Variants in HNRNPDL observed in about 807,000 individuals in gnomAD.
HNRNPDL encodes heterogeneous nuclear ribonucleoprotein D like.
In HNRNPDL, 18 loss-of-function variants were observed where a neutral mutation model predicts 48.0. That is an observed-to-expected ratio of 0.38 (90% CI 0.26 to 0.56). The LOEUF (loss-of-function observed/expected upper bound fraction) is 0.56. Among genes scored for constraint, HNRNPDL ranks in the 20% least tolerant of loss-of-function variants. The pLI is 0.77. For missense variants in HNRNPDL, 553 were observed against 540.7 expected, an observed-to-expected ratio of 1.02 and a Z score of -0.23; for synonymous variants, 306 against 207.3, an observed-to-expected ratio of 1.48 and a Z score of -4.09.
chr4:82,426,357 C>T (rs527706371), intron 6 of HNRNPDL, 106 bp downstream of exon 6: 33 of 1,065,436 alleles, frequency 3.1e-5, no homozygotes, highest in African/African-American at 4.7e-5. Flanking sequence ...CACTTAACTC[C>T]GAACACTTTA....
chr4:82,430,178 C>CG lies in HNRNPDL; in HGVS notation c.-489dup, dbSNP rs1227871316. 1.3e-5 allele frequency: 2 copies of CG among 152,230 alleles called. No individual in the cohort carries two copies. The highest frequency in any genetic ancestry group is 4.8e-5 in the African/African-American group (2 of 41,424). 9.4% of individuals were successfully genotyped at this position (152,230 alleles called of 1,614,324 possible). A position where few individuals can be genotyped will look rare whatever the true frequency, so the allele number is the denominator to read the frequency against. On this transcript the variant is annotated 5_prime_UTR_variant, in exon 1 of 8. Transcript: ENST00000295470. ...GGGCGCGCGGGCCAAGGGGGCGCGG[C>CG]GGGGCCTCCCGGGCTGATCGGCCGA...
Position 82,424,747 on chromosome 4 carries a change from C to A in HNRNPDL, c.*159G>T, listed in dbSNP as rs1202514584. The A allele has an allele frequency of 6.6e-6, 1 of 152,404 alleles. No individual in the cohort carries two copies. The highest frequency in any genetic ancestry group is 1.9e-4 in the East Asian group (1 of 5,202). 9.4% of individuals were successfully genotyped at this position (152,404 alleles called of 1,614,324 possible). On this transcript the variant is annotated 3_prime_UTR_variant, in exon 8 of 8. Transcript: ENST00000295470. ...AAGGACAAAGTAAAAACAAAGAAAA[C>A]TAATTGGCAGCTATATACAGTTGGA...
chr4:82,427,637 T>TTTCA, intron 3 of HNRNPDL, 73 bp from the exon 4 acceptor site: 3 of 1,412,912 alleles, frequency 2.1e-6, no homozygotes, highest in Non-Finnish European at 2.0e-6. Context: ...CCAAAGGCCT[T>TTTCA]TTCAGGCTTC....
In HNRNPDL at chr4:82,430,443, C is replaced by T. The variant is rs569127504; in HGVS notation, c.-753G>A. 1.9e-5 allele frequency: 4 copies of T among 206,410 alleles called. No individual in the cohort carries two copies. Among genetic ancestry groups the T allele is most frequent in the African/African-American group, 7.1e-5 (3 of 42,516 alleles). The allele number at this position is 206,410 out of a possible 1,614,324, so 12.8% of individuals were successfully genotyped here. On this transcript the variant is annotated 5_prime_UTR_variant, in exon 1 of 8. Transcript: ENST00000295470. ...AGGGCGCGCTCTCGCGCACCCTGCT[C>T]CCGCGTTCGCTTCTTTGTTCCCGCC...
Position 82,429,475 on chromosome 4 carries a change from C to T in HNRNPDL, c.216G>A (p.Gly72=), listed in dbSNP as rs1423406905. The change falls in exon 1 of 8, where the codon GGG becomes GGA. Residue 72 remains glycine (G), a synonymous_variant. Transcript: ENST00000295470. ...GCCTGCGCCCTCCCTTTATAGCCGC[C>T]CCGCCCGCCAATCGGGAGGGCTGCT... The part of the protein sequence containing the change: ...TAQQPSRLAG[G]AAIKGGRRRR... 1.3e-6 allele frequency: 2 copies of T among 1,579,836 alleles called. No homozygotes were observed. The highest frequency in any genetic ancestry group is 1.1e-5 in the South Asian group (1 of 89,268).
intron 7 of HNRNPDL, chr4:82,425,509 G>T (rs1721378364): frequency 6.5e-6 from 1 of 152,804 alleles, no homozygotes; most frequent in African/African-American, 2.4e-5. Flanking sequence ...GCCAAAGTCT[G>T]AAGTTTTCCA....
Position 82,429,339 on chromosome 4 carries a change from C to A in HNRNPDL, c.352G>T (p.Val118Phe). 6.2e-7 allele frequency: 1 copy of A among 1,613,856 alleles called. No individual in the cohort carries two copies. The highest frequency in any genetic ancestry group is 1.7e-4 in the Middle Eastern group (1 of 6,060). The change falls in exon 1 of 8, where the codon GTC becomes TTC. Residue 118 changes from valine (V) to phenylalanine (F), a missense_variant. Val to Phe is a conservative substitution (Grantham distance 50, BLOSUM62 -1). This residue lies in a region of HNRNPDL where 327 missense variants were observed against 203.2 expected (regional missense o/e 1.61). Coordinates refer to ENST00000295470, the MANE Select transcript of HNRNPDL (RefSeq NM_031372.4). ...ARQHPPADSSVTMEDMNEYSN... is the reference protein window; with the variant it reads ...ARQHPPADSSFTMEDMNEYSN... ...TACTCGTTCATATCCTCCATAGTGA[C>A]GGAGCTGTCGGCAGGGGGGTGCTGG...
rs1008922535 is a variant in HNRNPDL, at chr4:82,429,804, G to A, written c.-114C>T. On this transcript the variant is annotated 5_prime_UTR_variant, in exon 1 of 8. Transcript: ENST00000295470. ...GTAAATTCCTGGGGTCAGCAGTCCC[G>A]AGCAGAGCCGACGCAGGGCCACAGT... 5.5e-6 allele frequency: 4 copies of A among 730,086 alleles called. No homozygotes were observed. The highest frequency in any genetic ancestry group is 5.8e-6 in the Non-Finnish European group (3 of 514,730). The allele number at this position is 730,086 out of a possible 1,614,324, so 45.2% of individuals were successfully genotyped here.
chr4:82,427,216 C>A lies in HNRNPDL; in HGVS notation c.995G>T (p.Arg332Leu). ...TCGGCCACGACCCCTCGTACCACCT[C>A]GTCCACCAGCTGCAGCACCTCTTCC... ...KGGRGAAAGGRGGTRGRGRGQ... is the reference protein window; with the variant it reads ...KGGRGAAAGGLGGTRGRGRGQ... Residue 332 changes from arginine to leucine, a missense_variant, in exon 5 of 8, where the codon CGA becomes CTA. This residue lies in a region of HNRNPDL where 174 missense variants were observed against 204.6 expected (regional missense o/e 0.85). Coordinates refer to ENST00000295470, the MANE Select transcript of HNRNPDL (RefSeq NM_031372.4). 1.2e-6 allele frequency: 2 copies of A among 1,613,420 alleles called. No homozygotes were observed. The highest frequency in any genetic ancestry group is 1.7e-6 in the Non-Finnish European group (2 of 1,179,374).
Position 82,424,266 on chromosome 4 carries a change from A to G in HNRNPDL, c.*640T>C, listed in dbSNP as rs1026965245. 6.6e-6 allele frequency: 1 copy of G among 152,240 alleles called. No homozygotes were observed. The highest frequency in any genetic ancestry group is 2.4e-5 in the African/African-American group (1 of 41,458). 9.4% of individuals were successfully genotyped at this position (152,240 alleles called of 1,614,324 possible). ...TCAAAAATGGCTTTCCAGAGACAGG[A>G]ACAAAGTAAAAGGAGCTACTAACAA... is the stretch of plus-strand genomic sequence containing the variant. On this transcript the variant is annotated 3_prime_UTR_variant, in exon 8 of 8. Transcript: ENST00000295470.
rs553724283 is a variant in HNRNPDL, at chr4:82,424,526, C to G, written c.*380G>C. 6.5e-6 allele frequency: 1 copy of G among 152,744 alleles called. No individual in the cohort carries two copies. The highest frequency in any genetic ancestry group is 2.1e-4 in the South Asian group (1 of 4,826). 9.5% of individuals were successfully genotyped at this position (152,744 alleles called of 1,614,324 possible). On this transcript the variant is annotated 3_prime_UTR_variant, in exon 8 of 8. Coordinates refer to ENST00000295470, the MANE Select transcript of HNRNPDL (RefSeq NM_031372.4). Reference sequence around the variant, plus strand: ...CTATTTATAAAGGACCACAGTTTCTCTGTATGGACCAATACTCTACAAAAT... The same window carrying G: ...CTATTTATAAAGGACCACAGTTTCTGTGTATGGACCAATACTCTACAAAAT...
chr4:82,422,690 G>C lies in HNRNPDL; in HGVS notation c.*2216C>G, dbSNP rs1398754705. 2.0e-5 allele frequency: 3 copies of C among 152,064 alleles called. No homozygotes were observed. Among genetic ancestry groups the C allele is most frequent in the African/African-American group, 7.2e-5 (3 of 41,404 alleles). 9.4% of individuals were successfully genotyped at this position (152,064 alleles called of 1,614,324 possible). A position where few individuals can be genotyped will look rare whatever the true frequency, so the allele number is the denominator to read the frequency against. ...GATAACATCACACAGAATTTGGTCT[G>C]AACAATGCAAAAGGCAAATACGATG... On this transcript the variant is annotated 3_prime_UTR_variant, in exon 8 of 8. Coordinates refer to ENST00000295470, the MANE Select transcript of HNRNPDL (RefSeq NM_031372.4).
chr4:82,427,042 C>T, intron 5 of HNRNPDL, 148 bp downstream of exon 5: 1 of 713,200 alleles, frequency 1.4e-6, no homozygotes, highest in Non-Finnish European at 2.5e-6. Context: ...CAAAAAACCA[C>T]CACACACAAC....
Position 82,426,536 on chromosome 4 carries a change from G to A in HNRNPDL, c.1119C>T (p.Gly373=). ...ACCCAGTATAATCATATCCGCCATA[G>A]CCACTATAGTTTTGATCACCACCAT... ...SAYGGDQNYS[G]YGGYDYTGYN... The change falls in exon 6 of 8, where the codon GGC becomes GGT. Residue 373 remains glycine (G), a synonymous_variant. Coordinates refer to ENST00000295470, the MANE Select transcript of HNRNPDL (RefSeq NM_031372.4). 1 of 1,612,356 alleles carries A rather than the reference G, an allele frequency of 6.2e-7. No individual in the cohort carries two copies. The highest frequency in any genetic ancestry group is 8.5e-7 in the Non-Finnish European group (1 of 1,178,642).
intron 3 of HNRNPDL, 101 bp from the exon 4 acceptor site, chr4:82,427,665 C>G: frequency 9.3e-7 from 1 of 1,074,416 alleles, no homozygotes; most frequent in Non-Finnish European, 1.4e-6. Context: ...ACATGTTATT[C>G]TTATCGGGTG....
At position 82,429,652 on chromosome 4, in the gene HNRNPDL, T is replaced by C. The variant is rs1005077321; in HGVS notation, c.39A>G (p.Pro13=). ...AAGTAGCGGGAGCGGAGGGGAACAA[T>C]GGCGGCGGCACATGGGAAAGCCTGG... ...VPPRLSHVPP[P]LFPSAPATLA... The change falls in exon 1 of 8, where the codon CCA becomes CCG. Residue 13 remains proline, a synonymous_variant. Coordinates refer to ENST00000295470, the MANE Select transcript of HNRNPDL (RefSeq NM_031372.4). The C allele has an allele frequency of 7.4e-6, 10 of 1,344,236 alleles. No homozygotes were observed. The Admixed American group carries it at 1.6e-4, about 22-fold the overall frequency. 83.3% of individuals were successfully genotyped at this position (1,344,236 alleles called of 1,614,324 possible). A position where few individuals can be genotyped will look rare whatever the true frequency, so the allele number is the denominator to read the frequency against.
rs1721243986 is a variant in HNRNPDL, at chr4:82,422,948, T to C, written c.*1958A>G. On this transcript the variant is annotated 3_prime_UTR_variant, in exon 8 of 8. Transcript: ENST00000295470. ...TAAATTAATCCTTGGGAACGAGATC[T>C]TGATAGTAGCTTCAGTTCATCCAAC... The C allele has an allele frequency of 1.3e-5, 2 of 152,340 alleles. No homozygotes were observed. The highest frequency in any genetic ancestry group is 4.1e-4 in the South Asian group (2 of 4,822). The allele number at this position is 152,340 out of a possible 1,614,324, so 9.4% of individuals were successfully genotyped here. A position where few individuals can be genotyped will look rare whatever the true frequency, so the allele number is the denominator to read the frequency against.
chr4:82,427,032 C>CA (rs1431509930), intron 5 of HNRNPDL, among the ~76,000 whole-genome samples, 158 bp downstream of exon 5: 2 of 152,158 alleles, frequency 1.3e-5, no homozygotes, highest in Non-Finnish European at 2.9e-5. Context: ...GAGCTCACAA[C>CA]AAAAAACCAC....
At chr4:82,427,150 A>G (rs1473763018) in intron 5 of HNRNPDL, 40 bp downstream of exon 5, 2 of 1,319,084 alleles carry the variant, frequency 1.5e-6, no homozygotes, top group African/African-American at 2.9e-5. Context: ...TATACAGCTT[A>G]AATAAACCAC....
Sources: gnomAD v4.1 joint callset for allele counts (sites outside exome capture counted in the v4.1 genomes callset) on GRCh38, gnomAD v4.1.1 for gene constraint, gnomAD v4.1.1 regional missense constraint, MANE v1.5 for transcripts, NCBI Gene and HGNC (gene_info 2026-07-23, HGNC 2026-07-21) for gene names.